The following CCDC30 variants were observed in gnomAD, a reference collection of about 807,000 sequenced individuals.
The protein encoded by CCDC30 is coiled-coil domain-containing protein 30.
CCDC30 carries 70 observed loss-of-function variants against 100.2 expected under a neutral mutation model. The ratio of observed to expected loss-of-function variants is 0.70; its 90% CI spans 0.58 to 0.85. CCDC30 has a LOEUF of 0.85. Among genes scored for constraint, CCDC30 ranks in the 40% least tolerant of loss-of-function variants. The pLI, the probability that CCDC30 is intolerant of heterozygous loss-of-function variation, is 0.00. For missense variants in CCDC30, 652 were observed against 771.2 expected (o/e 0.85, Z 1.83); for synonymous variants, 233 against 269.5 (o/e 0.86, Z 1.33).
intron 6 of CCDC30, chr1:42,521,375 C>T (rs934342157): frequency 1.3e-4 from 20 of 154,562 alleles, no homozygotes; most frequent in African/African-American, 4.6e-4. Context: ...TTTCTGTTTT[C>T]CTCCTGTTAA....
intron 8 of CCDC30, among the ~76,000 whole-genome samples, chr1:42,577,959 A>T (rs568961683): frequency 6.6e-6 from 1 of 152,120 alleles, no homozygotes; most frequent in African/African-American, 2.4e-5. Flanking sequence ...GTTTCAATAG[A>T]TATAATGTAT....
At chr1:42,468,496 T>C (rs1643662872) in intron 1 of CCDC30, among the ~76,000 whole-genome samples, 1 of 152,210 alleles carries the variant, frequency 6.6e-6, no homozygotes, top group South Asian at 2.1e-4. Flanking sequence ...CCTGGCTGTA[T>C]CTATCAGTAA....
chr1:42,466,843 C>G (rs1024996647), intron 1 of CCDC30, among the ~76,000 whole-genome samples: 2 of 152,146 alleles, frequency 1.3e-5, no homozygotes, highest in African/African-American at 4.8e-5. Flanking sequence ...TGAGCCTCTG[C>G]GCCCGGCCAA....
At chr1:42,528,988 T>G (rs907477338) in intron 6 of CCDC30, among the ~76,000 whole-genome samples, 1 of 152,252 alleles carries the variant, frequency 6.6e-6, no homozygotes, top group Non-Finnish European at 1.5e-5. Flanking sequence ...TAAGCTGTGA[T>G]GTAAACCAGT....
At chr1:42,635,605 T>G (rs529100631) in intron 11 of CCDC30, among the ~76,000 whole-genome samples, 4 of 151,642 alleles carry the variant, frequency 2.6e-5, no homozygotes, top group African/African-American at 4.8e-5. Context: ...GTCAGGAGAT[T>G]GAGACCATCC....
At chr1:42,493,821 G>C (rs1187344452) in intron 4 of CCDC30, among the ~76,000 whole-genome samples, 1 of 152,168 alleles carries the variant, frequency 6.6e-6, no homozygotes, top group East Asian at 1.9e-4. Context: ...TGATGACCTG[G>C]ATGACGTGGA....
At chr1:42,547,425 A>G (rs1462934144) in intron 6 of CCDC30, among the ~76,000 whole-genome samples, 1 of 152,242 alleles carries the variant, frequency 6.6e-6, no homozygotes, top group African/African-American at 2.4e-5. Flanking sequence ...GGTCAATCTG[A>G]AAGTTCTTCA....
At position 42,626,672 on chromosome 1, in the gene CCDC30, T is replaced by C. The variant is rs140026720; in HGVS notation, c.1278-10565T>C. Among the ~76,000 whole-genome samples the C allele has an allele frequency of 6.8e-3, 1,035 of 152,238 alleles. 16 individuals carry two copies. The highest frequency in any genetic ancestry group is 0.024 in the African/African-American group (981 of 41,538). On this transcript the variant is annotated intron_variant, in intron 11 of 16. Coordinates refer to ENST00000668663, the Ensembl canonical transcript of CCDC30. ...GACCCAGGGGGAGGTAATTGAATCA[T>C]GGGGGCCAGTCTTTTACTGTGCTAT...
At chr1:42,456,227 A>G in the CCDC30 span, 1 of 612,462 alleles carries the variant, frequency 1.6e-6, no homozygotes. Flanking sequence ...TGGCCGAGAA[A>G]CGACTCCCAA....
At chr1:42,556,534 G>A (rs1341536852) in intron 6 of CCDC30, 129 bp downstream of exon 10, 2 of 987,738 alleles carry the variant, frequency 2.0e-6, no homozygotes, top group East Asian at 5.5e-5. Flanking sequence ...TAGTAGATGT[G>A]TGTATTTATG....
exon 17 of CCDC30, chr1:42,653,997 T>C (rs1452098851): frequency 2.5e-6 from 4 of 1,613,902 alleles, no homozygotes; most frequent in Admixed American, 1.7e-5. Flanking sequence ...ACACATGGTA[T>C]ACAAGAACAA....
chr1:42,630,157 T>C (rs1037578434), intron 11 of CCDC30, among the ~76,000 whole-genome samples: 3 of 151,828 alleles, frequency 2.0e-5, no homozygotes, highest in African/African-American at 7.3e-5. Flanking sequence ...GTATTTTTAG[T>C]AGAGATGGGG....
At chr1:42,588,924 C>T (rs1190382328) in intron 9 of CCDC30, among the ~76,000 whole-genome samples, 1 of 151,394 alleles carries the variant, frequency 6.6e-6, no homozygotes. Context: ...TTAATGTGTG[C>T]TTATTATTAT....
rs557212067 is a variant in CCDC30, at chr1:42,533,598, G to A, written c.457-32698G>A. Among the ~76,000 whole-genome samples the A allele has an allele frequency of 4.6e-4, 70 of 152,250 alleles. 2 individuals carry two copies. The South Asian group carries it at 9.5e-3, about 21-fold the overall frequency. On this transcript the variant is annotated intron_variant, in intron 6 of 16. Transcript: ENST00000668663. ...ACTTACAGAGGAGATTTATATAGGG[G>A]ACTTATTATAACTCATGAGGGCTAC...
At chr1:42,627,711 A>G (rs1646959396) in intron 11 of CCDC30, among the ~76,000 whole-genome samples, 1 of 152,226 alleles carries the variant, frequency 6.6e-6, no homozygotes, top group African/African-American at 2.4e-5. Context: ...TTCAGAGGGT[A>G]GAAGCTTCAA....
At chr1:42,477,840 G>T (rs1050509442) in intron 1 of CCDC30, among the ~76,000 whole-genome samples, 1 of 152,184 alleles carries the variant, frequency 6.6e-6, no homozygotes, top group African/African-American at 2.4e-5. Flanking sequence ...ACCAGAAAAG[G>T]CTTCCAAAGG....
chr1:42,522,262 A>G (rs1021400267), intron 6 of CCDC30, among the ~76,000 whole-genome samples: 1 of 152,164 alleles, frequency 6.6e-6, no homozygotes, highest in African/African-American at 2.4e-5. Flanking sequence ...ACAGATGCAG[A>G]GAGCCAACTG....
chr1:42,456,452 A>G, the CCDC30 span: 1 of 1,132,806 alleles, frequency 8.8e-7, no homozygotes, highest in Admixed American at 3.3e-5. Flanking sequence ...TAGTGTCAAA[A>G]GAAGGGTAGT....
chr1:42,641,593 G>A (rs767666091), intron 12 of CCDC30, among the ~76,000 whole-genome samples: 5 of 151,694 alleles, frequency 3.3e-5, no homozygotes, highest in Non-Finnish European at 2.9e-5. Flanking sequence ...ACAGCTGGAC[G>A]CAGTGCCTCA....
Sources: allele counts gnomAD v4.1 joint callset (sites outside exome capture counted in the v4.1 genomes callset), GRCh38; gene constraint gnomAD v4.1.1; transcripts MANE v1.5; gene names NCBI Gene and HGNC (gene_info 2026-07-23, HGNC 2026-07-21).